TTLL1: variants seen among roughly 807,000 people sequenced by gnomAD.
TTLL1 encodes the protein polyglutamylase complex subunit TTLL1.
TTLL1 carries 33 observed loss-of-function variants against 47.8 expected under a neutral mutation model. The ratio of observed to expected loss-of-function variants is 0.69; its 90% CI spans 0.52 to 0.92. The LOEUF is 0.92. TTLL1 is among the 40% of genes least tolerant of loss of function. The pLI, the probability that TTLL1 is intolerant of heterozygous loss-of-function variation, is 0.00. For synonymous variants in TTLL1, 225 were observed against 214.1 expected (o/e 1.05, Z -0.45); for missense variants, 488 against 547.5 (o/e 0.89, Z 1.08).
chr22:43,069,814 G>C lies in TTLL1; in HGVS notation c.144C>G (p.Phe48Leu). 6.2e-7 allele frequency: 1 copy of C among 1,614,198 alleles called. No individual in the cohort carries two copies. Among genetic ancestry groups the C allele is most frequent in the Non-Finnish European group, 8.5e-7 (1 of 1,180,036 alleles). ...WMSVQTIRNV[F>L]SVEAGYRLSD... The stretch of plus-strand genomic sequence containing the variant: ...AGAGCCGATATCCAGCTTCAACGCT[G>C]AACACATTTCGGATGGTTTGCACAC... Residue 48 changes from phenylalanine to leucine, a missense_variant, in exon 4 of 11, where the codon TTC becomes TTG. Physicochemically the swap from Phe to Leu is conservative, Grantham distance 22. Coordinates refer to ENST00000266254, the MANE Select transcript of TTLL1 (RefSeq NM_012263.5).
At chr22:43,079,340 G>A (rs1173199370) in intron 2 of TTLL1, among the ~76,000 whole-genome samples, 8 of 140,100 alleles carry the variant, frequency 5.7e-5, no homozygotes, top group African/African-American at 2.2e-4. Flanking sequence ...CACACCCCAG[G>A]TGTGAGCCCA....
intron 10 of TTLL1, among the ~76,000 whole-genome samples, chr22:43,045,059 C>T (rs1448616719): frequency 7.2e-5 from 11 of 152,158 alleles, no homozygotes; most frequent in Non-Finnish European, 1.3e-4. Flanking sequence ...GATACAGTTT[C>T]ACCATGTTGG....
At chr22:43,040,630 G>GAGAC (rs1229494863) in intron 10 of TTLL1, among the ~76,000 whole-genome samples, 1 of 152,172 alleles carries the variant, frequency 6.6e-6, no homozygotes, top group Non-Finnish European at 1.5e-5. Flanking sequence ...ATTTTTAGTA[G>GAGAC]AGACAGGGTT....
chr22:43,069,246 G>A (rs1282087584), intron 4 of TTLL1, among the ~76,000 whole-genome samples: 1 of 146,968 alleles, frequency 6.8e-6, no homozygotes, highest in Non-Finnish European at 1.5e-5. Context: ...AAAAAAATTA[G>A]TCGGGCATGG....
At chr22:43,068,846 G>C (rs1268238793) in intron 4 of TTLL1, among the ~76,000 whole-genome samples, 1 of 152,166 alleles carries the variant, frequency 6.6e-6, no homozygotes, top group Non-Finnish European at 1.5e-5. Flanking sequence ...TGTAAACCCT[G>C]TAATAATTCC....
At position 43,039,955 on chromosome 22, in the gene TTLL1, C is replaced by T. The variant is rs375352413; in HGVS notation, c.1143-50G>A. 3.1e-6 allele frequency: 5 copies of T among 1,588,690 alleles called. No homozygotes were observed. The African/African-American group carries it at 5.4e-5, about 17-fold the overall frequency. On this transcript the variant is annotated intron_variant, in intron 10 of 10. Coordinates refer to ENST00000266254, the MANE Select transcript of TTLL1 (RefSeq NM_012263.5). ...ACGGCAGGCTCTCTTTCAAAGGCAA[C>T]AGGCAGGGCCACCAGGCTGCTGTGT...
At chr22:43,040,114 C>G in intron 10 of TTLL1, 1 of 570,574 alleles carries the variant, frequency 1.8e-6, no homozygotes, top group South Asian at 2.0e-5. Flanking sequence ...AGCAAATGCT[C>G]CCCAAGGCCA....
chr22:43,041,765 C>T (rs1925701050), intron 10 of TTLL1, among the ~76,000 whole-genome samples: 1 of 152,118 alleles, frequency 6.6e-6, no homozygotes. Context: ...ATCTTCCTGC[C>T]TCGGTCTCCC....
At chr22:43,062,961 T>C (rs537965888) in intron 7 of TTLL1, among the ~76,000 whole-genome samples, 1 of 152,218 alleles carries the variant, frequency 6.6e-6, no homozygotes, top group Non-Finnish European at 1.5e-5. Flanking sequence ...TATTTTATAA[T>C]AAAGCGTGAA....
At position 43,046,591 on chromosome 22, in the gene TTLL1, C is replaced by A; in HGVS notation, c.979-18G>T. On this transcript the variant is annotated intron_variant, in intron 9 of 10. Transcript: ENST00000266254. ...GCATTCACCTGTGAGATGAAAGACC[C>A]ATGTTCCTCACCTGTGTCTCTCGCT... 6.2e-7 allele frequency: 1 copy of A among 1,611,796 alleles called. No individual in the cohort carries two copies. Among genetic ancestry groups the A allele is most frequent in the Non-Finnish European group, 8.5e-7 (1 of 1,178,048 alleles).
At chr22:43,083,885 A>G (rs1409115683) in intron 1 of TTLL1, among the ~76,000 whole-genome samples, 2 of 152,256 alleles carry the variant, frequency 1.3e-5, no homozygotes, top group East Asian at 3.9e-4. Context: ...AAAAAATGAA[A>G]AAAGGATATG....
In TTLL1 at chr22:43,046,555, G is replaced by C. The variant is rs950024615; in HGVS notation, c.997C>G (p.Leu333Val). 6.2e-7 allele frequency: 1 copy of C among 1,614,032 alleles called. No homozygotes were observed. The highest frequency in any genetic ancestry group is 8.5e-7 in the Non-Finnish European group (1 of 1,180,020). The change falls in exon 10 of 11, where the codon CTC becomes GTC. Residue 333 changes from leucine to valine, a missense_variant. By Grantham distance (32) the Leu-to-Val change is conservative (BLOSUM62 1). Coordinates refer to ENST00000266254, the MANE Select transcript of TTLL1 (RefSeq NM_012263.5). ...WLIEVNASPS[L>V]TSSTANDRIL... ...CGGTCATTGGCAGTGCTGGACGTGA[G>C]AGACGGGGACGCATTCACCTGTGAG...
Position 43,075,530 on chromosome 22 carries a change from G to A in TTLL1, c.57C>T (p.Asn19=), listed in dbSNP as rs767497165. ...TDIEKSVLIN[N]FEKRGWVQVT... ...CTTGGACCCATCCTCTCTTTTCAAA[G>A]TTATTGATCAGCACTGACTTCTCGA... The change falls in exon 3 of 11, where the codon AAC becomes AAT. Residue 19 remains asparagine, a synonymous_variant. Transcript: ENST00000266254. The A allele has an allele frequency of 1.2e-5, 19 of 1,614,150 alleles. No individual in the cohort carries two copies. The highest frequency in any genetic ancestry group is 7.7e-5 in the South Asian group (7 of 91,086).
intron 10 of TTLL1, among the ~76,000 whole-genome samples, chr22:43,041,740 C>G (rs1925698544): frequency 6.6e-6 from 1 of 151,958 alleles, no homozygotes; most frequent in South Asian, 2.1e-4. Flanking sequence ...GGCCTCGAAC[C>G]CCTGAGCTCA....
chr22:43,076,381 G>A (rs184105160), intron 2 of TTLL1, among the ~76,000 whole-genome samples: 21 of 152,082 alleles, frequency 1.4e-4, no homozygotes, highest in Non-Finnish European at 2.4e-4. Context: ...GCTTGAACCC[G>A]GGAGGCAGAG....
chr22:43,059,252 C>T (rs1022719491), intron 8 of TTLL1, 132 bp downstream of exon 8: 1 of 1,343,142 alleles, frequency 7.4e-7, no homozygotes, highest in East Asian at 2.5e-5. Context: ...CCTCGGCCTC[C>T]CAGCTTGCTG....
At chr22:43,078,765 G>C (rs1236578603) in intron 2 of TTLL1, among the ~76,000 whole-genome samples, 1 of 152,034 alleles carries the variant, frequency 6.6e-6, no homozygotes, top group African/African-American at 2.4e-5. Flanking sequence ...ATCCGATATG[G>C]TGCACGTGGA....
chr22:43,043,772 C>G (rs1925887900), intron 10 of TTLL1, among the ~76,000 whole-genome samples: 2 of 152,012 alleles, frequency 1.3e-5, no homozygotes, highest in Non-Finnish European at 1.5e-5. Context: ...CTCTCTAAAG[C>G]CCCCAGCTCT....
intron 5 of TTLL1, among the ~76,000 whole-genome samples, chr22:43,067,746 G>T (rs1456934239): frequency 1.3e-5 from 2 of 151,988 alleles, no homozygotes; most frequent in Non-Finnish European, 2.9e-5. Context: ...CGAGGTGGGT[G>T]GATCACCCTG....
Sources: allele counts gnomAD v4.1 joint callset (sites outside exome capture counted in the v4.1 genomes callset), GRCh38; gene constraint gnomAD v4.1.1; transcripts MANE v1.5; gene names NCBI Gene and HGNC (gene_info 2026-07-23, HGNC 2026-07-21).